Variants in PGR observed in about 807,000 individuals in gnomAD.
The protein encoded by PGR is progesterone receptor.
Under a neutral mutation model 76.1 loss-of-function variants are expected in PGR, and 25 were observed. The ratio of observed to expected loss-of-function variants is 0.33; its 90% CI spans 0.24 to 0.46. The LOEUF (loss-of-function observed/expected upper bound fraction) is 0.46, where lower values mean the gene tolerates loss of function less well. Among genes scored for constraint, PGR ranks in the 20% least tolerant of loss-of-function variants. PGR has a pLI of 1.00. For synonymous variants in PGR, 579 were observed against 535.0 expected (o/e 1.08, Z -1.14); for missense variants, 1,172 against 1,225.3 (o/e 0.96, Z 0.65).
Position 101,128,899 on chromosome 11 carries a change from G to C in PGR, c.172C>G (p.Leu58Val), listed in dbSNP as rs751677036. ...CCCTGGCAGGGCCGAGGGAAGAGTA[G>C]CCCGTCCAGGGAGATAGGTATGGCC... Reference protein sequence around the residue: ...VSAIPISLDGLLFPRPCQGQD... With the variant: ...VSAIPISLDGVLFPRPCQGQD... Residue 58 changes from leucine (L) to valine (V), a missense_variant, in exon 1 of 8, where the codon CTA becomes GTA. By Grantham distance (32) the Leu-to-Val change is conservative (BLOSUM62 1). Transcript: ENST00000325455. The C allele has an allele frequency of 3.1e-6, 5 of 1,614,018 alleles. No individual in the cohort carries two copies. The Admixed American group carries it at 8.3e-5, about 27-fold the overall frequency.
At position 101,127,751 on chromosome 11, in the gene PGR, C is replaced by A. The variant is rs764496617; in HGVS notation, c.1320G>T (p.Thr440=). The part of the protein sequence containing the change: ...TPSRPGEAAV[T]AAPASASVSS... The stretch of plus-strand genomic sequence containing the variant: ...AGACTGAGGCACTGGCGGGTGCGGC[C>A]GTCACCGCCGCTTCCCCGGGTCTGG... The change falls in exon 1 of 8, where the codon ACG becomes ACT. Residue 440 remains threonine, a synonymous_variant. Transcript: ENST00000325455. The A allele has an allele frequency of 1.3e-6, 2 of 1,554,018 alleles. No homozygotes were observed. The highest frequency in any genetic ancestry group is 2.3e-5 in the South Asian group (2 of 85,732).
intron 3 of PGR, among the ~76,000 whole-genome samples, chr11:101,088,128 A>T (rs1861554850): frequency 6.6e-6 from 1 of 151,744 alleles, no homozygotes; most frequent in Non-Finnish European, 1.5e-5. Flanking sequence ...AGCCCAGGAG[A>T]TTGAGGCTGC....
In PGR at chr11:101,069,664, G is replaced by C. The variant is rs537915524; in HGVS notation, c.1907-6912C>G. Reference sequence around the variant, plus strand: ...GAAAATGTGGCACATATACACCATGGAATACTATGCAGCCATCAAAAGGGA... The same window carrying C: ...GAAAATGTGGCACATATACACCATGCAATACTATGCAGCCATCAAAAGGGA... On this transcript the variant is annotated intron_variant, in intron 3 of 7. Transcript: ENST00000325455. Among the ~76,000 whole-genome samples, 3 of 152,294 alleles carry C rather than the reference G, an allele frequency of 2.0e-5. No homozygotes were observed. The South Asian group carries it at 6.2e-4, about 32-fold the overall frequency.
intron 3 of PGR, among the ~76,000 whole-genome samples, chr11:101,084,980 C>T (rs1208402224): frequency 1.3e-5 from 2 of 152,144 alleles, no homozygotes; most frequent in African/African-American, 4.8e-5. Context: ...CTTCTAAGGA[C>T]CTAGAAAGCC....
chr11:101,109,699 G>C (rs924416058), intron 2 of PGR, among the ~76,000 whole-genome samples: 3 of 152,208 alleles, frequency 2.0e-5, no homozygotes, highest in Non-Finnish European at 4.4e-5. Context: ...GCTGCAGCAA[G>C]TTATCCAAAA....
At chr11:101,098,484 T>A (rs1861904007) in intron 2 of PGR, among the ~76,000 whole-genome samples, 1 of 152,162 alleles carries the variant, frequency 6.6e-6, no homozygotes, top group Non-Finnish European at 1.5e-5. Flanking sequence ...TGAAGCAACA[T>A]GAGCTGGTCC....
Position 101,038,685 on chromosome 11 carries a change from A to T in PGR, c.*431T>A, listed in dbSNP as rs2135375178. ...TAGACAAAATTTTGCATACCATTTTAAAGGTTCATTTTTGGAAATATAATT... is the reference window on the plus strand; with the variant it reads ...TAGACAAAATTTTGCATACCATTTTTAAGGTTCATTTTTGGAAATATAATT... On this transcript the variant is annotated 3_prime_UTR_variant, in exon 8 of 8. Transcript: ENST00000325455. 4.3e-6 allele frequency: 1 copy of T among 232,568 alleles called. No homozygotes were observed. Among genetic ancestry groups the T allele is most frequent in the East Asian group, 6.2e-5 (1 of 16,224 alleles). 14.4% of individuals were successfully genotyped at this position (232,568 alleles called of 1,614,324 possible).
At chr11:101,039,294 G>A (rs1859616846) in intron 7 of PGR, 23 bp from the exon 8 acceptor site, 4 of 1,558,572 alleles carry the variant, frequency 2.6e-6, no homozygotes, top group Non-Finnish European at 3.5e-6. Context: ...CAAATGAGTA[G>A]AAAACATGTA....
chr11:101,062,562 G>C lies in PGR; in HGVS notation c.2097C>G (p.Ile699Met). Residue 699 changes from isoleucine (I) to methionine (M), a missense_variant, in exon 4 of 8, where the codon ATC (isoleucine) becomes ATG (methionine). By Grantham distance (10) the Ile-to-Met change is conservative. Transcript: ENST00000325455. ...NLLMSIEPDV[I>M]YAGHDNTKPD... is the part of the protein sequence containing the mutation. ...GTTTTGTGTTGTCATGTCCTGCATAGATCACATCTGGTTCAATGCTCATTA... is the reference window on the plus strand; with the variant it reads ...GTTTTGTGTTGTCATGTCCTGCATACATCACATCTGGTTCAATGCTCATTA... 1 of 1,613,992 alleles carries C rather than the reference G, an allele frequency of 6.2e-7. No individual in the cohort carries two copies. The highest frequency in any genetic ancestry group is 8.5e-7 in the Non-Finnish European group (1 of 1,179,900).
chr11:101,040,873 G>A (rs1859674568), intron 7 of PGR, among the ~76,000 whole-genome samples: 1 of 151,982 alleles, frequency 6.6e-6, no homozygotes, highest in South Asian at 2.1e-4. Context: ...ATTAATTGGA[G>A]GCTAGAATCT....
At chr11:101,061,345 T>C (rs916693674) in intron 4 of PGR, among the ~76,000 whole-genome samples, 2 of 152,200 alleles carry the variant, frequency 1.3e-5, no homozygotes, top group African/African-American at 4.8e-5. Flanking sequence ...TCCACTAGAA[T>C]ACTGAATTCT....
In PGR at chr11:101,034,831, A is replaced by T. The variant is rs1369771916; in HGVS notation, c.*4285T>A. On this transcript the variant is annotated 3_prime_UTR_variant, in exon 8 of 8. Transcript: ENST00000325455. ...TCAGTTGTTTTACTGCTTTTTGTTC[A>T]ATTTTGTATTTAGTAAGGACCATAG... 5.6e-6 allele frequency: 1 copy of T among 179,292 alleles called. No homozygotes were observed. Among genetic ancestry groups the T allele is most frequent in the Non-Finnish European group, 1.2e-5 (1 of 83,760 alleles). The allele number at this position is 179,292 out of a possible 1,614,324, so 11.1% of individuals were successfully genotyped here. A position where few individuals can be genotyped will look rare whatever the true frequency, so the allele number is the denominator to read the frequency against.
intron 4 of PGR, among the ~76,000 whole-genome samples, chr11:101,057,377 G>C (rs971859000): frequency 2.6e-5 from 4 of 152,184 alleles, no homozygotes; most frequent in Non-Finnish European, 4.4e-5. Flanking sequence ...AGATCTTAGA[G>C]TCGTGTGAAG....
Position 101,127,652 on chromosome 11 carries a change from G to T in PGR, c.1419C>A (p.Gly473=). The stretch of plus-strand genomic sequence containing the variant: ...CCTTGCAGGGCGGCGGCGCGAACGG[G>T]CCCTGCTGGGGCGGCGCGCCCTCCG... ...YKAEGAPPQQ[G]PFAPPPCKAP... The change falls in exon 1 of 8, where the codon GGC becomes GGA. Residue 473 remains glycine (G), a synonymous_variant. Coordinates refer to ENST00000325455, the MANE Select transcript of PGR (RefSeq NM_000926.4). The T allele has an allele frequency of 6.7e-7, 1 of 1,497,590 alleles. No homozygotes were observed. Among genetic ancestry groups the T allele is most frequent in the East Asian group, 2.7e-5 (1 of 37,572 alleles). 92.8% of individuals were successfully genotyped at this position (1,497,590 alleles called of 1,614,324 possible). A position where few individuals can be genotyped will look rare whatever the true frequency, so the allele number is the denominator to read the frequency against.
intron 2 of PGR, among the ~76,000 whole-genome samples, chr11:101,096,200 G>A (rs540508546): frequency 3.9e-5 from 6 of 152,258 alleles, no homozygotes; most frequent in Non-Finnish European, 8.8e-5. Flanking sequence ...TAAGGGCACT[G>A]GCATGAAGTC....
chr11:101,080,437 A>AAAT (rs1053532025), intron 3 of PGR, among the ~76,000 whole-genome samples: 1 of 151,410 alleles, frequency 6.6e-6, no homozygotes, highest in South Asian at 2.1e-4. Context: ...AAAATTATTA[A>AAAT]AATAATAATA....
chr11:101,128,343 G>T lies in PGR; in HGVS notation c.728C>A (p.Ala243Asp). 1 of 1,601,226 alleles carries T rather than the reference G, an allele frequency of 6.2e-7. No homozygotes were observed. Residue 243 changes from alanine to aspartate, a missense_variant, in exon 1 of 8, where the codon GCT becomes GAT. Coordinates refer to ENST00000325455, the MANE Select transcript of PGR (RefSeq NM_000926.4). ...AGPLLKGKPR[A>D]LGGAAAGGGA... ...TCCTCCAGCCGCCGCGCCACCCAGA[G>T]CCCGAGGTTTGCCCTTCAGAAGCGG...
At chr11:101,065,775 G>A (rs534969476) in intron 3 of PGR, among the ~76,000 whole-genome samples, 5 of 152,168 alleles carry the variant, frequency 3.3e-5, no homozygotes, top group South Asian at 4.1e-4. Flanking sequence ...GGGCTGAGAC[G>A]CTGGGGGTGA....
chr11:101,126,235 A>G, intron 1 of PGR, 77 bp from the exon 2 acceptor site: 1 of 1,363,706 alleles, frequency 7.3e-7, no homozygotes, highest in Non-Finnish European at 1.0e-6. Context: ...TTAAACCAGT[A>G]TTAACAGGGT....
Sources: allele counts gnomAD v4.1 joint callset (sites outside exome capture counted in the v4.1 genomes callset), GRCh38; gene constraint gnomAD v4.1.1; transcripts MANE v1.5; gene names NCBI Gene and HGNC (gene_info 2026-07-23, HGNC 2026-07-21).